The following DENND1A variants were observed in gnomAD, a reference collection of about 807,000 sequenced individuals.
DENND1A encodes DENN domain containing 1A.
Under a neutral mutation model 113.7 loss-of-function variants are expected in DENND1A, and 51 were observed. The observed-to-expected ratio is 0.45, with a 90% CI of 0.36 to 0.57. The LOEUF (loss-of-function observed/expected upper bound fraction) is 0.57, where lower values mean the gene tolerates loss of function less well. Ranked by LOEUF, DENND1A falls within the 20% of genes least tolerant of loss-of-function variation. DENND1A has a pLI of 0.00. For missense variants in DENND1A, 1,258 were observed against 1,395.9 expected, an observed-to-expected ratio of 0.90 and a Z score of 1.57; for synonymous variants, 565 against 570.8, an observed-to-expected ratio of 0.99 and a Z score of 0.14.
intron 13 of DENND1A, among the ~76,000 whole-genome samples, chr9:123,541,293 C>T (rs941962971): frequency 6.6e-6 from 1 of 152,164 alleles, no homozygotes; most frequent in East Asian, 1.9e-4. Context: ...AGAAAATATA[C>T]ATAAAGGGCA....
chr9:123,746,276 GAAC>G (rs1304872287), intron 5 of DENND1A, among the ~76,000 whole-genome samples: 1 of 151,924 alleles, frequency 6.6e-6, no homozygotes, highest in African/African-American at 2.4e-5. Flanking sequence ...TTAATCTTTA[GAAC>G]AATATTCTGC....
intron 10 of DENND1A, among the ~76,000 whole-genome samples, chr9:123,624,769 G>A (rs1021244196): frequency 2.0e-5 from 3 of 152,168 alleles, no homozygotes; most frequent in African/African-American, 7.2e-5. Context: ...GGTCAGGCTG[G>A]TAACAGTTTT....
chr9:123,562,988 G>A (rs2057848266), intron 12 of DENND1A, among the ~76,000 whole-genome samples: 1 of 152,174 alleles, frequency 6.6e-6, no homozygotes, highest in African/African-American at 2.4e-5. Context: ...ATTGTGAAAG[G>A]CATTTTCAGT....
chr9:123,870,904 A>T (rs189986547), intron 2 of DENND1A, among the ~76,000 whole-genome samples: 34 of 152,280 alleles, frequency 2.2e-4, no homozygotes, highest in Admixed American at 2.0e-3. Context: ...GGACTCAAGG[A>T]AAGTTAGCTA....
intron 13 of DENND1A, among the ~76,000 whole-genome samples, chr9:123,487,362 C>G (rs77496958): frequency 6.6e-6 from 1 of 152,192 alleles, no homozygotes; most frequent in African/African-American, 2.4e-5. Context: ...GTTTGTTTAC[C>G]TGCCCCCTCC....
At chr9:123,615,494 A>G (rs2060609461) in intron 10 of DENND1A, among the ~76,000 whole-genome samples, 1 of 152,148 alleles carries the variant, frequency 6.6e-6, no homozygotes, top group South Asian at 2.1e-4. Flanking sequence ...GAGCTTCTAC[A>G]TTCTGTCTGA....
At chr9:123,399,755 A>C (rs974688687) in intron 21 of DENND1A, among the ~76,000 whole-genome samples, 1 of 152,248 alleles carries the variant, frequency 6.6e-6, no homozygotes, top group African/African-American at 2.4e-5. Context: ...GGGCAAAGCC[A>C]GACTAAAGAT....
chr9:123,711,676 CT>C (rs2066645491), intron 5 of DENND1A, among the ~76,000 whole-genome samples: 1 of 151,526 alleles, frequency 6.6e-6, no homozygotes, highest in Non-Finnish European at 1.5e-5. Flanking sequence ...CTTCAATGAC[CT>C]CATCATTCTG....
intron 5 of DENND1A, among the ~76,000 whole-genome samples, chr9:123,732,214 C>T (rs1042209773): frequency 6.6e-6 from 1 of 152,184 alleles, no homozygotes; most frequent in South Asian, 2.1e-4. Flanking sequence ...GAAACAAAAA[C>T]TTGTGTTCAC....
rs1157520485 is a variant in DENND1A at position 123,895,634 on chromosome 9, AG to A, written c.18-16614del. The stretch of plus-strand genomic sequence containing the variant: ...GAGACTCTGACTCAAAAAAAAAAAA[AG>A]AAAAAAAGAAAAGAACAAAGATTCA... On this transcript the variant is annotated intron_variant, in intron 1 of 23. Transcript: ENST00000394215. 3.9e-3 allele frequency among the ~76,000 whole-genome samples: 597 copies of A among 151,662 alleles called. 3 individuals carry two copies. Among genetic ancestry groups the A allele is most frequent in the African/African-American group, 0.014 (585 of 41,248 alleles).
intron 11 of DENND1A, among the ~76,000 whole-genome samples, chr9:123,586,473 G>C (rs1443028020): frequency 6.6e-6 from 1 of 152,162 alleles, no homozygotes; most frequent in Non-Finnish European, 1.5e-5. Context: ...GAAAAAACCT[G>C]GCCCCTTTTT....
At chr9:123,922,028 G>T (rs1480351367) in intron 1 of DENND1A, among the ~76,000 whole-genome samples, 2 of 151,776 alleles carry the variant, frequency 1.3e-5, no homozygotes, top group African/African-American at 4.8e-5. Context: ...CTCTGTGGGA[G>T]CTCAAGTGAT....
chr9:123,423,310 A>T (rs995261666), intron 19 of DENND1A, among the ~76,000 whole-genome samples: 1 of 152,210 alleles, frequency 6.6e-6, no homozygotes, highest in African/African-American at 2.4e-5. Flanking sequence ...AATCTGCATA[A>T]TTAGGAAATC....
At chr9:123,918,466 C>T (rs1374266248) in intron 1 of DENND1A, among the ~76,000 whole-genome samples, 1 of 139,174 alleles carries the variant, frequency 7.2e-6, no homozygotes, top group African/African-American at 2.7e-5. Flanking sequence ...CCAGCCTGGG[C>T]AATAGAGGGA....
At chr9:123,564,926 C>T (rs563194582) in intron 12 of DENND1A, among the ~76,000 whole-genome samples, 1 of 148,374 alleles carries the variant, frequency 6.7e-6, no homozygotes, top group Non-Finnish European at 1.5e-5. Flanking sequence ...TTTAGGGACA[C>T]ACAACAATGT....
rs978453234 is a variant in DENND1A, at chr9:123,869,846, G to A, written c.88+9105C>T. 3.3e-5 allele frequency among the ~76,000 whole-genome samples: 5 copies of A among 152,068 alleles called. No individual in the cohort carries two copies. The East Asian group carries it at 9.7e-4, about 30-fold the overall frequency. ...CAAGACCCTATCTCTACAAAAATTA[G>A]CTGAGTGTGGTGGTGTGCACCTGTA... is the stretch of plus-strand genomic sequence containing the variant. On this transcript the variant is annotated intron_variant, in intron 2 of 23. Transcript: ENST00000394215.
At chr9:123,418,538 G>A (rs955350828) in intron 19 of DENND1A, among the ~76,000 whole-genome samples, 2 of 152,230 alleles carry the variant, frequency 1.3e-5, no homozygotes, top group East Asian at 1.9e-4. Context: ...TGGGCACCCC[G>A]CACAGGGCTG....
chr9:123,758,064 T>C (rs2070728931), intron 4 of DENND1A, among the ~76,000 whole-genome samples: 1 of 152,042 alleles, frequency 6.6e-6, no homozygotes, highest in Admixed American at 6.5e-5. Flanking sequence ...TACCTTCTCC[T>C]TACTGAGTTC....
chr9:123,729,295 T>A (rs1399573145), intron 5 of DENND1A, among the ~76,000 whole-genome samples: 1 of 152,154 alleles, frequency 6.6e-6, no homozygotes, highest in Non-Finnish European at 1.5e-5. Context: ...TAAAGGGCAT[T>A]CAAATAGGAA....
Sources: allele counts gnomAD v4.1 joint callset (sites outside exome capture counted in the v4.1 genomes callset), GRCh38; gene constraint gnomAD v4.1.1; transcripts MANE v1.5; gene names NCBI Gene and HGNC (gene_info 2026-07-23, HGNC 2026-07-21).